The following CNTNAP2 variants were observed in gnomAD, a reference collection of about 807,000 sequenced individuals.
CNTNAP2 encodes the protein contactin-associated protein-like 2.
CNTNAP2 carries 98 observed loss-of-function variants against 155.2 expected under a neutral mutation model. That is an observed-to-expected ratio of 0.63 (90% CI 0.54 to 0.75). The LOEUF is 0.75. Among genes scored for constraint, CNTNAP2 ranks in the 30% least tolerant of loss-of-function variants. CNTNAP2 has a pLI of 0.00. For synonymous variants in CNTNAP2, 651 were observed against 631.2 expected, an observed-to-expected ratio of 1.03 and a Z score of -0.47; for missense variants, 1,727 against 1,688.1, an observed-to-expected ratio of 1.02 and a Z score of -0.40.
chr7:146,655,975 C>T (rs1231352742), intron 1 of CNTNAP2, among the ~76,000 whole-genome samples: 1 of 152,192 alleles, frequency 6.6e-6, no homozygotes, highest in Non-Finnish European at 1.5e-5. Flanking sequence ...GTGATTTCCA[C>T]TGAAGCATAG....
At chr7:148,029,908 A>G (rs1802442263) in intron 15 of CNTNAP2, among the ~76,000 whole-genome samples, 2 of 152,158 alleles carry the variant, frequency 1.3e-5, no homozygotes, top group South Asian at 4.1e-4. Context: ...GTTTGGCAGG[A>G]TTGTGGTGGA....
chr7:146,413,131 A>G (rs981072740), intron 1 of CNTNAP2, among the ~76,000 whole-genome samples: 4 of 152,208 alleles, frequency 2.6e-5, no homozygotes. Flanking sequence ...TGGTAAAGAC[A>G]TGAGACTTCT....
rs115145390 is a variant in CNTNAP2, at chr7:147,555,376, A to G, written c.1778-6762A>G. 6.5e-3 allele frequency among the ~76,000 whole-genome samples: 983 copies of G among 152,272 alleles called. 13 individuals carry two copies. Among genetic ancestry groups the G allele is most frequent in the African/African-American group, 0.022 (924 of 41,536 alleles). ...CAAGGGTAGAAATTCCCAGAAAACC[A>G]ATCCCTCATTTTAGCATCTTATAAC... is the stretch of plus-strand genomic sequence containing the variant. On this transcript the variant is annotated intron_variant, in intron 11 of 23. Transcript: ENST00000361727.
rs561741980 is a variant in CNTNAP2, at chr7:148,014,205, A to C, written c.2383+36216A>C. 4.6e-5 allele frequency: 7 copies of C among 151,180 alleles called. No individual in the cohort carries two copies. The South Asian group carries it at 1.3e-3, about 27-fold the overall frequency. 9.4% of individuals were successfully genotyped at this position (151,180 alleles called of 1,614,324 possible). On this transcript the variant is annotated intron_variant, in intron 15 of 23. Transcript: ENST00000361727. ...AGAACCCACTCACCAGCTGGCGACC[A>C]CCCAGTATTATTTGACTTTAAACTT...
intron 1 of CNTNAP2, among the ~76,000 whole-genome samples, chr7:146,684,241 G>C (rs1188586341): frequency 1.3e-5 from 2 of 152,134 alleles, no homozygotes; most frequent in Non-Finnish European, 2.9e-5. Context: ...CAAAATATAA[G>C]ATGAGTTCAC....
At chr7:147,468,666 T>A (rs1412133187) in intron 10 of CNTNAP2, among the ~76,000 whole-genome samples, 1 of 152,142 alleles carries the variant, frequency 6.6e-6, no homozygotes, top group African/African-American at 2.4e-5. Flanking sequence ...AAGGGATAAA[T>A]AATCTAAAAC....
At chr7:147,409,389 C>T (rs1412973555) in intron 10 of CNTNAP2, among the ~76,000 whole-genome samples, 1 of 152,138 alleles carries the variant, frequency 6.6e-6, no homozygotes, top group African/African-American at 2.4e-5. Flanking sequence ...ACACAATATA[C>T]AAAAATTAAC....
In CNTNAP2 at chr7:148,419,965, T is replaced by C. The variant is rs1585367585; in HGVS notation, c.*4349T>C. The C allele has an allele frequency of 6.6e-6, 1 of 152,300 alleles. No homozygotes were observed. 9.4% of individuals were successfully genotyped at this position (152,300 alleles called of 1,614,324 possible). On this transcript the variant is annotated 3_prime_UTR_variant, in exon 24 of 24. Coordinates refer to ENST00000361727, the MANE Select transcript of CNTNAP2 (RefSeq NM_014141.6). Reference sequence around the variant, plus strand: ...ACTGCAAAATACCTTGAAACCCTTATATAAAGACTGAAGTCAACGGAGCCT... The same window carrying C: ...ACTGCAAAATACCTTGAAACCCTTACATAAAGACTGAAGTCAACGGAGCCT...
intron 14 of CNTNAP2, among the ~76,000 whole-genome samples, chr7:147,917,983 A>G (rs181444407): frequency 8.5e-5 from 13 of 152,156 alleles, no homozygotes; most frequent in Admixed American, 8.5e-4. Flanking sequence ...AACATCATCT[A>G]CTTCTGCAGA....
Position 148,002,836 on chromosome 7 carries a change from A to C in CNTNAP2, c.2383+24847A>C, listed in dbSNP as rs139590940. ...GATGGTTTAGACATGGAGGGAGCTC[A>C]AGTAATACTGTTACCGGTACACTTG... On this transcript the variant is annotated intron_variant, in intron 15 of 23. Coordinates refer to ENST00000361727, the MANE Select transcript of CNTNAP2 (RefSeq NM_014141.6). Among the ~76,000 whole-genome samples, 3 of 152,314 alleles carry C rather than the reference A, an allele frequency of 2.0e-5. No homozygotes were observed. The East Asian group carries it at 5.8e-4, about 29-fold the overall frequency.
At chr7:146,814,007 C>G (rs890558611) in intron 2 of CNTNAP2, among the ~76,000 whole-genome samples, 1 of 152,068 alleles carries the variant, frequency 6.6e-6, no homozygotes, top group Non-Finnish European at 1.5e-5. Context: ...TGTAAGTTTC[C>G]TGGGTCCTCT....
chr7:146,948,061 G>A (rs1054730774), intron 3 of CNTNAP2, among the ~76,000 whole-genome samples: 20 of 152,036 alleles, frequency 1.3e-4, no homozygotes, highest in African/African-American at 4.6e-4. Context: ...TTTGTCAAAT[G>A]AGCAAAAGGT....
At chr7:146,929,261 C>T (rs1304397517) in intron 3 of CNTNAP2, among the ~76,000 whole-genome samples, 2 of 152,172 alleles carry the variant, frequency 1.3e-5, no homozygotes, top group Admixed American at 6.5e-5. Flanking sequence ...AATGATCAGA[C>T]AGCAGCATTC....
chr7:146,446,409 G>C (rs1484248085), intron 1 of CNTNAP2, among the ~76,000 whole-genome samples: 2 of 148,880 alleles, frequency 1.3e-5, no homozygotes, highest in Non-Finnish European at 2.9e-5. Flanking sequence ...CAAGGCTGAG[G>C]GTGTTGCAGA....
At chr7:147,943,210 C>A (rs2116818029) in intron 14 of CNTNAP2, among the ~76,000 whole-genome samples, 1 of 152,268 alleles carries the variant, frequency 6.6e-6, no homozygotes, top group African/African-American at 2.4e-5. Context: ...TTACTTTGGA[C>A]AACCAGATGC....
chr7:146,386,825 A>G (rs1213725941), intron 1 of CNTNAP2, among the ~76,000 whole-genome samples: 1 of 152,224 alleles, frequency 6.6e-6, no homozygotes, highest in African/African-American at 2.4e-5. Flanking sequence ...AGAATGATAT[A>G]ATTCATGAAA....
chr7:148,217,652 C>T, intron 19 of CNTNAP2, 128 bp downstream of exon 19: 1 of 996,362 alleles, frequency 1.0e-6, no homozygotes, highest in Non-Finnish European at 1.6e-6. Flanking sequence ...AGTCACATAA[C>T]TTCTTTGAAC....
rs572089145 is a variant in CNTNAP2, at chr7:146,256,529, A to G, written c.97+139556A>G. 2.1e-3 allele frequency among the ~76,000 whole-genome samples: 316 copies of G among 152,096 alleles called. 2 individuals are homozygous for G. The highest frequency in any genetic ancestry group is 0.017 in the Middle Eastern group (5 of 292). On this transcript the variant is annotated intron_variant, in intron 1 of 23. Transcript: ENST00000361727. Reference sequence around the variant, plus strand: ...TTATAGTTAAGATATTAAAAATATAACGAATATTAATTATACAAAAATAAT... The same window carrying G: ...TTATAGTTAAGATATTAAAAATATAGCGAATATTAATTATACAAAAATAAT...
chr7:148,106,501 T>G (rs796488663), intron 15 of CNTNAP2, among the ~76,000 whole-genome samples: 86 of 133,246 alleles, frequency 6.5e-4, no homozygotes, highest in African/African-American at 2.5e-3. Flanking sequence ...GAGATATATA[T>G]ATATATATAT....
Sources: gnomAD v4.1 joint callset for allele counts (sites outside exome capture counted in the v4.1 genomes callset) on GRCh38, gnomAD v4.1.1 for gene constraint, MANE v1.5 for transcripts, NCBI Gene and HGNC (gene_info 2026-07-23, HGNC 2026-07-21) for gene names.